The following DPP6 variants were observed in gnomAD, a reference collection of about 807,000 sequenced individuals.
DPP6 encodes dipeptidyl peptidase like 6.
A neutral mutation model predicts 122.6 loss-of-function variants in DPP6; 69 were observed. That is an observed-to-expected ratio of 0.56 (90% CI 0.46 to 0.69). The LOEUF is 0.69. Among genes scored for constraint, DPP6 ranks in the 30% least tolerant of loss-of-function variants. The probability of loss-of-function intolerance (pLI) is 0.00; values close to 1 mark genes in which losing one functional copy is unlikely to be tolerated. For synonymous variants in DPP6, 418 were observed against 433.1 expected, an observed-to-expected ratio of 0.97 and a Z score of 0.43; for missense variants, 928 against 1,116.9, an observed-to-expected ratio of 0.83 and a Z score of 2.41.
the DPP6 span, among the ~76,000 whole-genome samples, chr7:153,863,466 C>T: frequency 6.6e-6 from 1 of 151,054 alleles, no homozygotes; most frequent in East Asian, 1.9e-4. Context: ...TCCCCTCAGT[C>T]TTTTTTTTTA....
chr7:154,548,024 C>T (rs1474691774), intron 4 of DPP6, among the ~76,000 whole-genome samples: 1 of 150,778 alleles, frequency 6.6e-6, no homozygotes, highest in Admixed American at 6.6e-5. Flanking sequence ...GCCTGGCCAA[C>T]ATGGTGAAAC....
At chr7:154,473,369 C>G (rs986676260) in intron 2 of DPP6, among the ~76,000 whole-genome samples, 1 of 152,144 alleles carries the variant, frequency 6.6e-6, no homozygotes, top group Non-Finnish European at 1.5e-5. Flanking sequence ...GTTCAGCGCC[C>G]GGGATAGCTC....
the DPP6 span, among the ~76,000 whole-genome samples, chr7:153,841,884 C>A: frequency 1.2e-4 from 19 of 152,290 alleles, 1 homozygote; most frequent in African/African-American, 4.6e-4. Context: ...GCGTTATATT[C>A]GTTTTGCTTA....
At chr7:153,859,348 G>C in the DPP6 span, among the ~76,000 whole-genome samples, 1 of 152,198 alleles carries the variant, frequency 6.6e-6, no homozygotes, top group Non-Finnish European at 1.5e-5. Flanking sequence ...CTCTCAAGCT[G>C]GAGTCGGGAG....
At chr7:154,334,059 C>T (rs1432708593) in intron 1 of DPP6, among the ~76,000 whole-genome samples, 1 of 151,828 alleles carries the variant, frequency 6.6e-6, no homozygotes, top group Non-Finnish European at 1.5e-5. Context: ...ATGTGCTGTG[C>T]TAGTTTAAAT....
rs1169536928 is a variant in DPP6 at position 154,382,245 on chromosome 7, T to A, written c.244-63969T>A. The stretch of plus-strand genomic sequence containing the variant: ...CTCTGTCACCCAGGCTGGAGTGCAG[T>A]GCTGCAATCTTGGCTCACTGCAGCC... On this transcript the variant is annotated intron_variant, in intron 1 of 25. Coordinates refer to ENST00000377770, the MANE Select transcript of DPP6 (RefSeq NM_130797.4). Among the ~76,000 whole-genome samples the A allele has an allele frequency of 2.0e-5, 3 of 152,094 alleles. No homozygotes were observed. In the East Asian group the frequency reaches 5.8e-4, roughly 29 times the overall value.
chr7:153,767,297 A>G, the DPP6 span, among the ~76,000 whole-genome samples: 2 of 152,162 alleles, frequency 1.3e-5, no homozygotes, highest in African/African-American at 4.8e-5. Flanking sequence ...AATAAATGCA[A>G]TTTTGATGAT....
At chr7:154,602,576 C>A (rs1161362277) in intron 5 of DPP6, among the ~76,000 whole-genome samples, 2 of 116,986 alleles carry the variant, frequency 1.7e-5, no homozygotes, top group African/African-American at 5.4e-5. Context: ...AGGCACCCAC[C>A]ATCATGCCTG....
rs1267500154 is a variant in DPP6, at chr7:154,605,349, C to G, written c.628-32472C>G. Among the ~76,000 whole-genome samples the G allele has an allele frequency of 1.7e-5, 2 of 119,202 alleles. 1 individual carries two copies. The highest frequency in any genetic ancestry group is 3.8e-5 in the Non-Finnish European group (2 of 53,032). 78.2% of individuals were successfully genotyped at this position (119,202 alleles called of 152,430 possible). Reference sequence around the variant, plus strand: ...GTCAGTTTTACGAGCAAGAGGGTATCTGTTCCATCTGAGCTTGATCCTCTG... The same window carrying G: ...GTCAGTTTTACGAGCAAGAGGGTATGTGTTCCATCTGAGCTTGATCCTCTG... On this transcript the variant is annotated intron_variant, in intron 5 of 25. Coordinates refer to ENST00000377770, the MANE Select transcript of DPP6 (RefSeq NM_130797.4).
intron 7 of DPP6, among the ~76,000 whole-genome samples, chr7:154,711,188 G>T (rs1841156071): frequency 6.6e-6 from 1 of 152,192 alleles, no homozygotes; most frequent in African/African-American, 2.4e-5. Context: ...TATAGAGAGA[G>T]AATCTATTTC....
rs1843616525 is a variant in DPP6, at chr7:154,755,464, AT to A, written c.884-13951del. 7.9e-6 allele frequency among the ~76,000 whole-genome samples: 1 copy of A among 126,656 alleles called. No individual in the cohort carries two copies. Among genetic ancestry groups the A allele is most frequent in the Admixed American group, 7.2e-5 (1 of 13,908 alleles). 83.1% of individuals were successfully genotyped at this position (126,656 alleles called of 152,430 possible). A position where few individuals can be genotyped will look rare whatever the true frequency, so the allele number is the denominator to read the frequency against. On this transcript the variant is annotated intron_variant, in intron 8 of 25. Transcript: ENST00000377770. This position sits in a 1 kb window ranked among gnomAD's most constrained non-coding sequence, Gnocchi z 4.7. ...TTACTAGCTGTGTGAGCTTCGGCACATTATTTAAACTTTTTTTCCCTTAGTT... is the reference window on the plus strand; with the variant it reads ...TTACTAGCTGTGTGAGCTTCGGCACATATTTAAACTTTTTTTCCCTTAGTT...
At chr7:154,471,655 T>C (rs774225637) in intron 2 of DPP6, among the ~76,000 whole-genome samples, 1 of 151,770 alleles carries the variant, frequency 6.6e-6, no homozygotes, top group South Asian at 2.1e-4. Context: ...CCAGAACACT[T>C]GTAAGACAGA....
chr7:153,877,504 G>A, the DPP6 span, among the ~76,000 whole-genome samples: 1 of 152,138 alleles, frequency 6.6e-6, no homozygotes, highest in Non-Finnish European at 1.5e-5. Flanking sequence ...GAACTGCATT[G>A]TGCTATGGTG....
intron 16 of DPP6, among the ~76,000 whole-genome samples, chr7:154,843,979 A>T (rs1377787191): frequency 6.6e-6 from 1 of 152,246 alleles, no homozygotes; most frequent in Non-Finnish European, 1.5e-5. Flanking sequence ...AGCTAGCACC[A>T]TGCCTTGCAC....
At chr7:153,879,197 G>C in the DPP6 span, among the ~76,000 whole-genome samples, 1 of 152,048 alleles carries the variant, frequency 6.6e-6, no homozygotes, top group Non-Finnish European at 1.5e-5. Flanking sequence ...GTGAGTGGAT[G>C]AAAAAAGAAT....
intron 1 of DPP6, among the ~76,000 whole-genome samples, chr7:154,359,967 G>A (rs988230076): frequency 6.6e-6 from 1 of 152,178 alleles, no homozygotes; most frequent in Non-Finnish European, 1.5e-5. Context: ...AGAAATGATC[G>A]AGCTGCGAGC....
chr7:154,453,682 C>A (rs1034354843), intron 2 of DPP6, among the ~76,000 whole-genome samples: 49 of 152,044 alleles, frequency 3.2e-4, no homozygotes, highest in African/African-American at 1.1e-3. Context: ...TCCGGAAAGC[C>A]CCCCAGGCCC....
At chr7:154,594,312 G>T (rs996563117) in intron 5 of DPP6, among the ~76,000 whole-genome samples, 1 of 152,192 alleles carries the variant, frequency 6.6e-6, no homozygotes, top group Non-Finnish European at 1.5e-5. Flanking sequence ...CAGCTCACGG[G>T]TGTAGGGGTT....
intron 1 of DPP6, among the ~76,000 whole-genome samples, chr7:153,979,788 A>G (rs1796489628): frequency 6.6e-6 from 1 of 152,208 alleles, no homozygotes; most frequent in African/African-American, 2.4e-5. Flanking sequence ...CCTTTTCTGC[A>G]TCTATTGAGA....
Sources: gnomAD v4.1 joint callset for allele counts (sites outside exome capture counted in the v4.1 genomes callset) on GRCh38, gnomAD v4.1.1 for gene constraint, Gnocchi (gnomAD v3.1) non-coding constraint, MANE v1.5 for transcripts, NCBI Gene and HGNC (gene_info 2026-07-23, HGNC 2026-07-21) for gene names.